The following NTM variants were observed in gnomAD, a reference collection of about 807,000 sequenced individuals.
NTM encodes the protein neurotrimin, also known as IgLON family member 2.
Under a neutral mutation model 42.1 loss-of-function variants are expected in NTM, and 13 were observed. The ratio of observed to expected loss-of-function variants is 0.31; its 90% CI spans 0.20 to 0.49. The LOEUF (loss-of-function observed/expected upper bound fraction) is 0.49, where lower values mean the gene tolerates loss of function less well. Ranked by LOEUF, NTM falls within the 20% of genes least tolerant of loss-of-function variation. NTM has a pLI of 0.99. For synonymous variants in NTM, 187 were observed against 179.2 expected (o/e 1.04, Z -0.35); for missense variants, 373 against 452.8 (o/e 0.82, Z 1.60).
intron 1 of NTM, among the ~76,000 whole-genome samples, chr11:131,812,513 C>T (rs989824019): frequency 2.0e-5 from 3 of 151,692 alleles, no homozygotes; most frequent in Non-Finnish European, 2.9e-5. Context: ...TTCCTTTCCT[C>T]CTCCATACAA....
intron 8 of NTM, among the ~76,000 whole-genome samples, chr11:132,330,884 AGATGGGCT>A (rs2095790368): frequency 6.6e-6 from 1 of 152,192 alleles, no homozygotes; most frequent in Non-Finnish European, 1.5e-5. Context: ...GTCACTAGGC[AGATGGGCT>A]GAGCTGTAGC....
At chr11:131,554,146 C>T (rs569996284) in intron 1 of NTM, among the ~76,000 whole-genome samples, 1 of 152,184 alleles carries the variant, frequency 6.6e-6, no homozygotes. Context: ...CAGGTTCATG[C>T]TCTTTTGCTA....
At chr11:131,735,313 T>C (rs1032199949) in intron 1 of NTM, among the ~76,000 whole-genome samples, 1 of 152,190 alleles carries the variant, frequency 6.6e-6, no homozygotes, top group African/African-American at 2.4e-5. Context: ...CCATCTTCTA[T>C]GCTCGCTTAT....
chr11:132,088,897 G>T (rs1477588668), intron 2 of NTM, among the ~76,000 whole-genome samples: 1 of 123,904 alleles, frequency 8.1e-6, no homozygotes, highest in African/African-American at 3.5e-5. Context: ...AGAAAAATGG[G>T]TCCCCTTTAA....
chr11:132,240,168 A>C (rs1566554888), intron 4 of NTM, among the ~76,000 whole-genome samples: 1 of 152,232 alleles, frequency 6.6e-6, no homozygotes, highest in South Asian at 2.1e-4. Context: ...AAGTAAAAAC[A>C]AATGAGACAT....
At chr11:131,975,630 C>T (rs2064217517) in intron 2 of NTM, among the ~76,000 whole-genome samples, 1 of 152,198 alleles carries the variant, frequency 6.6e-6, no homozygotes, top group South Asian at 2.1e-4. Context: ...GTTTGGGTTG[C>T]TTGCCACCCT....
chr11:131,707,563 A>AC (rs2076715749), intron 1 of NTM, among the ~76,000 whole-genome samples: 1 of 151,936 alleles, frequency 6.6e-6, no homozygotes, highest in Admixed American at 6.6e-5. Context: ...TTTGAAAGGG[A>AC]CCTCAATATT....
rs2093789152 is a variant in NTM, at chr11:132,277,823, A to AT, written c.527-29866_527-29865insT. Among the ~76,000 whole-genome samples the AT allele has an allele frequency of 2.0e-5, 3 of 151,726 alleles. No homozygotes were observed. The South Asian group carries it at 6.3e-4, about 32-fold the overall frequency. ...CTTGGTGCTATTTCTATCATGCTAAAATATATATATATATTTAAAAATCCA... is the reference window on the plus strand; with the variant it reads ...CTTGGTGCTATTTCTATCATGCTAAATATATATATATATATTTAAAAATCCA... On this transcript the variant is annotated intron_variant, in intron 4 of 8. Coordinates refer to ENST00000683400, the MANE Select transcript of NTM (RefSeq NM_001352005.2).
intron 2 of NTM, among the ~76,000 whole-genome samples, chr11:132,049,725 C>T (rs1431293898): frequency 1.3e-5 from 2 of 152,154 alleles, no homozygotes; most frequent in African/African-American, 4.8e-5. Flanking sequence ...TGTGTTCAGC[C>T]ATGGGTGCAG....
chr11:131,867,945 A>T (rs1197196622), intron 1 of NTM, among the ~76,000 whole-genome samples: 8 of 152,172 alleles, frequency 5.3e-5, no homozygotes, highest in African/African-American at 1.4e-4. Flanking sequence ...AAGAATGACC[A>T]TGTTGAGTGG....
intron 1 of NTM, among the ~76,000 whole-genome samples, chr11:131,378,982 G>A (rs1942309567): frequency 6.6e-6 from 1 of 152,200 alleles, no homozygotes; most frequent in Non-Finnish European, 1.5e-5. Context: ...TGTGGTGTAT[G>A]CCGGAGTGAA....
intron 2 of NTM, among the ~76,000 whole-genome samples, chr11:132,084,377 G>A (rs1418019343): frequency 1.3e-5 from 2 of 152,068 alleles, no homozygotes; most frequent in African/African-American, 4.8e-5. Context: ...ACAATTTTGT[G>A]ACATATACTA....
intron 1 of NTM, among the ~76,000 whole-genome samples, chr11:131,724,177 A>G (rs2078688195): frequency 6.6e-6 from 1 of 152,146 alleles, no homozygotes; most frequent in Non-Finnish European, 1.5e-5. Context: ...TCTCCTGTCC[A>G]GATGCTGAGC....
At chr11:131,703,574 G>T (rs962311294) in intron 1 of NTM, among the ~76,000 whole-genome samples, 1 of 152,168 alleles carries the variant, frequency 6.6e-6, no homozygotes, top group Non-Finnish European at 1.5e-5. Flanking sequence ...GGAAATCCCA[G>T]CTCTTGTCTC....
intron 1 of NTM, among the ~76,000 whole-genome samples, chr11:131,776,781 T>C (rs1230538429): frequency 6.6e-6 from 1 of 152,200 alleles, no homozygotes; most frequent in Admixed American, 6.5e-5. Flanking sequence ...GTCACAGGGA[T>C]CCAGGTTCCT....
intron 2 of NTM, among the ~76,000 whole-genome samples, chr11:131,943,009 G>C (rs1259157600): frequency 6.6e-6 from 1 of 152,010 alleles, no homozygotes; most frequent in Non-Finnish European, 1.5e-5. Context: ...TCCTGGCAGA[G>C]AGACTAAAAG....
chr11:131,876,482 C>T (rs1419173165), intron 1 of NTM, among the ~76,000 whole-genome samples: 1 of 152,206 alleles, frequency 6.6e-6, no homozygotes, highest in Non-Finnish European at 1.5e-5. Flanking sequence ...GATGTGTGAT[C>T]ATGAAAAGAC....
At chr11:132,044,921 A>G (rs1217962103) in intron 2 of NTM, among the ~76,000 whole-genome samples, 1 of 152,160 alleles carries the variant, frequency 6.6e-6, no homozygotes, top group East Asian at 1.9e-4. Context: ...CTAGCACCAG[A>G]CAGATTCACA....
At chr11:132,008,763 C>T (rs1323780445) in intron 2 of NTM, among the ~76,000 whole-genome samples, 4 of 152,022 alleles carry the variant, frequency 2.6e-5, no homozygotes, top group Non-Finnish European at 5.9e-5. Flanking sequence ...TTCTGTCTTG[C>T]CACATCAGGT....
Sources: allele counts gnomAD v4.1 joint callset (sites outside exome capture counted in the v4.1 genomes callset), GRCh38; gene constraint gnomAD v4.1.1; transcripts MANE v1.5; gene names NCBI Gene and HGNC (gene_info 2026-07-23, HGNC 2026-07-21).